EML6: variants seen among roughly 807,000 people sequenced by gnomAD.
EML6 encodes the protein EMAP like 6, also known as echinoderm microtubule-associated protein-like 6.
EML6 carries 154 observed loss-of-function variants against 240.1 expected under a neutral mutation model. The observed-to-expected ratio is 0.64, with a 90% CI of 0.56 to 0.73. The LOEUF (loss-of-function observed/expected upper bound fraction) is 0.73, where lower values mean the gene tolerates loss of function less well. EML6 is among the 30% of genes least tolerant of loss of function. The pLI is 0.00. For missense variants in EML6, 2,964 were observed against 2,474.6 expected, an observed-to-expected ratio of 1.20 and a Z score of -4.20; for synonymous variants, 1,148 against 899.0, an observed-to-expected ratio of 1.28 and a Z score of -4.95.
intron 11 of EML6, among the ~76,000 whole-genome samples, chr2:54,858,599 A>G (rs551716627): frequency 2.6e-5 from 4 of 152,142 alleles, no homozygotes; most frequent in African/African-American, 9.7e-5. Flanking sequence ...TTGAGACCCA[A>G]TGCTTCCTTT....
intron 2 of EML6, among the ~76,000 whole-genome samples, chr2:54,735,320 A>T (rs1016115878): frequency 5.9e-5 from 9 of 152,212 alleles, no homozygotes; most frequent in African/African-American, 2.2e-4. Flanking sequence ...GCACCTTGTC[A>T]TGGGCATAGT....
chr2:54,811,928 A>G (rs1219040719), intron 2 of EML6, among the ~76,000 whole-genome samples: 1 of 152,218 alleles, frequency 6.6e-6, no homozygotes, highest in African/African-American at 2.4e-5. Context: ...TATATGGGCT[A>G]TCTTTTTGTA....
At chr2:54,801,184 G>A (rs1435570724) in intron 2 of EML6, among the ~76,000 whole-genome samples, 2 of 152,030 alleles carry the variant, frequency 1.3e-5, no homozygotes, top group African/African-American at 4.8e-5. Context: ...GCCGGGCATG[G>A]TGGTGGGCGC....
intron 2 of EML6, among the ~76,000 whole-genome samples, chr2:54,770,696 C>T (rs1336726040): frequency 6.6e-6 from 1 of 152,200 alleles, no homozygotes; most frequent in African/African-American, 2.4e-5. Flanking sequence ...GTTCACAAAT[C>T]TAGGGGTAAT....
intron 17 of EML6, among the ~76,000 whole-genome samples, chr2:54,889,111 T>C (rs1032616897): frequency 1.3e-5 from 2 of 152,328 alleles, no homozygotes; most frequent in African/African-American, 4.8e-5. Context: ...CATTTTTATA[T>C]TCATTTGTGT....
intron 2 of EML6, among the ~76,000 whole-genome samples, chr2:54,798,690 A>G (rs1212970601): frequency 6.6e-6 from 1 of 152,126 alleles, no homozygotes; most frequent in Non-Finnish European, 1.5e-5. Context: ...GGATAATAGG[A>G]TTTTGTAACT....
chr2:54,917,359 T>TG (rs1673974703), intron 26 of EML6, among the ~76,000 whole-genome samples: 1 of 23,076 alleles, frequency 4.3e-5, no homozygotes, highest in African/African-American at 5.3e-4. Context: ...TTTTTTTTTG[T>TG]TTTTTTTTTT....
chr2:54,939,156 G>A (rs889213937), intron 28 of EML6, among the ~76,000 whole-genome samples: 1 of 152,218 alleles, frequency 6.6e-6, no homozygotes, highest in African/African-American at 2.4e-5. Flanking sequence ...CTGAGATCTT[G>A]TTGACACTTT....
chr2:54,894,841 GA>G (rs1428754831), intron 19 of EML6, 73 bp from the exon 20 acceptor site: 17 of 957,376 alleles, frequency 1.8e-5, no homozygotes, highest in Non-Finnish European at 2.6e-5. Flanking sequence ...TACCTGCGGG[GA>G]ATCCTCCTGG....
intron 21 of EML6, among the ~76,000 whole-genome samples, chr2:54,896,991 T>A (rs1386104340): frequency 1.3e-5 from 2 of 152,234 alleles, no homozygotes; most frequent in African/African-American, 2.4e-5. Context: ...GGCAATGAGG[T>A]CTTTGTTCTC....
At chr2:54,800,384 A>G (rs567875606) in intron 2 of EML6, among the ~76,000 whole-genome samples, 1 of 152,280 alleles carries the variant, frequency 6.6e-6, no homozygotes, top group East Asian at 1.9e-4. Flanking sequence ...GAATTCAGGA[A>G]TAAACTTTAG....
In EML6 at chr2:54,837,343, A is replaced by G. The variant is rs556653923; in HGVS notation, c.848-6704A>G. On this transcript the variant is annotated intron_variant, in intron 7 of 41. Transcript: ENST00000356458. ...CTTGCTCTGTGACTTGAGGCAAGTA[A>G]TACAAACTTTCTATGCTGTTATTTC... Among the ~76,000 whole-genome samples the G allele has an allele frequency of 4.6e-5, 7 of 152,232 alleles. No individual in the cohort carries two copies. In the South Asian group the frequency reaches 8.3e-4, roughly 18 times the overall value.
intron 8 of EML6, among the ~76,000 whole-genome samples, chr2:54,846,077 C>A (rs1313221013): frequency 6.6e-6 from 1 of 152,128 alleles, no homozygotes; most frequent in Admixed American, 6.6e-5. Context: ...TTGCTGAAAG[C>A]TTTGTTTGAG....
At chr2:54,808,531 A>C (rs1392161892) in intron 2 of EML6, among the ~76,000 whole-genome samples, 1 of 152,126 alleles carries the variant, frequency 6.6e-6, no homozygotes, top group Non-Finnish European at 1.5e-5. Flanking sequence ...TCCAAAAACA[A>C]AACAAAAACA....
chr2:54,860,775 G>A (rs1670632150), intron 12 of EML6, among the ~76,000 whole-genome samples: 1 of 152,168 alleles, frequency 6.6e-6, no homozygotes, highest in Non-Finnish European at 1.5e-5. Context: ...CTTCTCTTAG[G>A]AGTGGTGACG....
intron 2 of EML6, among the ~76,000 whole-genome samples, chr2:54,808,845 C>G (rs906317611): frequency 1.3e-5 from 2 of 152,176 alleles, no homozygotes; most frequent in African/African-American, 4.8e-5. Flanking sequence ...GCTTTTCCCT[C>G]CTGGCATGCT....
intron 25 of EML6, among the ~76,000 whole-genome samples, chr2:54,911,518 C>A (rs1041090138): frequency 1.3e-5 from 2 of 152,080 alleles, no homozygotes; most frequent in Non-Finnish European, 2.9e-5. Flanking sequence ...CAACCTCCCC[C>A]TCCCAGGTTA....
chr2:54,880,137 T>A (rs1016235615), intron 17 of EML6: 1 of 153,852 alleles, frequency 6.5e-6, no homozygotes, highest in Admixed American at 6.5e-5. Flanking sequence ...ATAAATAGAT[T>A]TTTTGAGACC....
chr2:54,800,615 A>G (rs1019278434), intron 2 of EML6, among the ~76,000 whole-genome samples: 8 of 152,120 alleles, frequency 5.3e-5, no homozygotes, highest in Non-Finnish European at 1.2e-4. Flanking sequence ...AATGCACTCA[A>G]GAGGGCATTG....
Sources: gnomAD v4.1 joint callset for allele counts (sites outside exome capture counted in the v4.1 genomes callset) on GRCh38, gnomAD v4.1.1 for gene constraint, MANE v1.5 for transcripts, NCBI Gene and HGNC (gene_info 2026-07-23, HGNC 2026-07-21) for gene names.